Variants in LRRC37A2 observed in about 807,000 individuals in gnomAD.
LRRC37A2 encodes leucine-rich repeat-containing protein 37A2.
In LRRC37A2, 9 loss-of-function variants were observed where a neutral mutation model predicts 68.8. The ratio of observed to expected loss-of-function variants is 0.13; its 90% CI spans 0.08 to 0.23. The LOEUF is 0.23. LRRC37A2 is among the 10% of genes least tolerant of loss of function. The pLI, the probability that LRRC37A2 is intolerant of heterozygous loss-of-function variation, is 1.00. For synonymous variants in LRRC37A2, 63 were observed against 367.6 expected (o/e 0.17, Z 9.48); for missense variants, 168 against 950.4 (o/e 0.18, Z 10.82).
chr17:46,980,666 C>CCAAAAAAAAAAAAAAAAAA, the LRRC37A2 span, among the ~76,000 whole-genome samples: 2 of 83,886 alleles, frequency 2.4e-5, no homozygotes, highest in Non-Finnish European at 5.1e-5. Context: ...ACTAAAAATA[C>CCAAAAAAAAAAAAAAAAAA]AAAAAAAAAA....
the LRRC37A2 span, chr17:47,010,823 G>A: frequency 6.6e-6 from 1 of 152,290 alleles, no homozygotes; most frequent in Non-Finnish European, 1.5e-5. Flanking sequence ...TGTCTTCCTT[G>A]AGAAAACCCC....
At chr17:46,783,217 A>G in the LRRC37A2 span, among the ~76,000 whole-genome samples, 1 of 152,200 alleles carries the variant, frequency 6.6e-6, no homozygotes, top group Admixed American at 6.5e-5. Context: ...AGGTCTTGAG[A>G]TAAAACCATG....
At chr17:46,528,096 G>A (rs1232439736) in intron 6 of LRRC37A2, among the ~76,000 whole-genome samples, 128 of 111,982 alleles carry the variant, frequency 1.1e-3, no homozygotes, top group Non-Finnish European at 1.8e-3. Flanking sequence ...AGAATCCCAC[G>A]CTTCTGGAGC....
the LRRC37A2 span, chr17:46,979,219 G>A: frequency 2.3e-6 from 1 of 435,646 alleles, no homozygotes; most frequent in Non-Finnish European, 4.0e-6. Flanking sequence ...GCGAGCAACA[G>A]GCGGCGCAGG....
At chr17:46,740,104 T>A in the LRRC37A2 span, among the ~76,000 whole-genome samples, 1 of 152,234 alleles carries the variant, frequency 6.6e-6, no homozygotes, top group African/African-American at 2.4e-5. Flanking sequence ...TACTTGAACC[T>A]CACATTGTTT....
At chr17:46,820,292 G>A in the LRRC37A2 span, among the ~76,000 whole-genome samples, 1 of 152,116 alleles carries the variant, frequency 6.6e-6, no homozygotes, top group Non-Finnish European at 1.5e-5. Context: ...CTCCTGCTGC[G>A]TTCCCAGCCC....
At chr17:46,731,670 A>G in the LRRC37A2 span, among the ~76,000 whole-genome samples, 21 of 152,174 alleles carry the variant, frequency 1.4e-4, no homozygotes, top group African/African-American at 5.1e-4. Flanking sequence ...TAAGGACTGA[A>G]GAGGAAGAAT....
chr17:46,862,163 CAAA>C, the LRRC37A2 span, among the ~76,000 whole-genome samples: 2,588 of 80,344 alleles, frequency 0.032, 67 homozygotes, highest in African/African-American at 0.085. Flanking sequence ...AACTCCGTCT[CAAA>C]AAAAAAAAAA....
chr17:46,875,172 A>G, the LRRC37A2 span: 1 of 1,613,998 alleles, frequency 6.2e-7, no homozygotes, highest in Non-Finnish European at 8.5e-7. Context: ...CCGGGCCTGC[A>G]GCGCTGGGCG....
chr17:46,495,497 G>C, the LRRC37A2 span, among the ~76,000 whole-genome samples: 1 of 147,558 alleles, frequency 6.8e-6, no homozygotes, highest in South Asian at 2.1e-4. Flanking sequence ...TTATTCTCGT[G>C]CCTCAGCCTC....
At chr17:46,848,397 G>A in the LRRC37A2 span, among the ~76,000 whole-genome samples, 2 of 152,236 alleles carry the variant, frequency 1.3e-5, no homozygotes, top group Non-Finnish European at 2.9e-5. Context: ...GCTGGGACCT[G>A]TGCCAGACTC....
chr17:46,907,687 A>C, the LRRC37A2 span, among the ~76,000 whole-genome samples: 11 of 137,688 alleles, frequency 8.0e-5, no homozygotes, highest in Non-Finnish European at 1.4e-4. Flanking sequence ...AAAAAAAAAA[A>C]ACAAAAAACC....
At chr17:47,020,729 C>T in the LRRC37A2 span, among the ~76,000 whole-genome samples, 1 of 126,232 alleles carries the variant, frequency 7.9e-6, no homozygotes, top group African/African-American at 3.0e-5. Context: ...TTGCAGTGAG[C>T]CAAGATTGCA....
chr17:46,845,101 G>A, the LRRC37A2 span, among the ~76,000 whole-genome samples: 12 of 152,260 alleles, frequency 7.9e-5, no homozygotes, highest in Non-Finnish European at 1.3e-4. Flanking sequence ...CACTCGCCTC[G>A]GCCTCCCAAA....
the LRRC37A2 span, among the ~76,000 whole-genome samples, chr17:46,828,845 C>T: frequency 6.6e-6 from 1 of 151,762 alleles, no homozygotes; most frequent in African/African-American, 2.4e-5. Flanking sequence ...GCCTGTAGTC[C>T]CAGCTACTCA....
At chr17:46,974,733 CA>C in the LRRC37A2 span, among the ~76,000 whole-genome samples, 16,496 of 64,336 alleles carry the variant, frequency 0.26, 1,004 homozygotes, top group South Asian at 0.43. Flanking sequence ...GACTCTCTCT[CA>C]AAAAAAAAAA....
the LRRC37A2 span, among the ~76,000 whole-genome samples, chr17:46,808,983 C>G: frequency 2.0e-5 from 3 of 152,126 alleles, no homozygotes; most frequent in East Asian, 5.8e-4. Flanking sequence ...CCGAGCTGAG[C>G]AGCGCAGAGC....
the LRRC37A2 span, chr17:46,933,164 T>C: frequency 3.9e-5 from 6 of 152,268 alleles, no homozygotes; most frequent in East Asian, 1.9e-4. Context: ...TCAGGCCTTT[T>C]TTAGGCCAAG....
At chr17:46,863,126 C>T in the LRRC37A2 span, among the ~76,000 whole-genome samples, 1 of 149,348 alleles carries the variant, frequency 6.7e-6, no homozygotes, top group African/African-American at 2.5e-5. Context: ...GGGCGTGGCA[C>T]AGGCAGCCTC....
Sources: allele counts gnomAD v4.1 joint callset (sites outside exome capture counted in the v4.1 genomes callset), GRCh38; gene constraint gnomAD v4.1.1; transcripts MANE v1.5; gene names NCBI Gene and HGNC (gene_info 2026-07-23, HGNC 2026-07-21).